CFTR: variants seen among roughly 807,000 people sequenced by gnomAD.
The protein encoded by CFTR is CF transmembrane conductance regulator, also known as cystic fibrosis transmembrane conductance regulator.
In CFTR, 181 loss-of-function variants were observed where a neutral mutation model predicts 171.6. The ratio of observed to expected loss-of-function variants is 1.05; its 90% confidence interval spans 0.93 to 1.19. CFTR has a LOEUF of 1.19. Among genes scored for constraint, CFTR ranks in the 50% most tolerant of loss-of-function variants. The pLI is 0.00. For synonymous variants in CFTR, 583 were observed against 608.0 expected, an observed-to-expected ratio of 0.96 and a Z score of 0.60; for missense variants, 1,968 against 1,734.7, an observed-to-expected ratio of 1.13 and a Z score of -2.39.
intron 3 of CFTR, among the ~76,000 whole-genome samples, chr7:117,523,031 T>A (rs35820454): frequency 0.075 from 11,440 of 152,206 alleles, 449 homozygotes; most frequent in Middle Eastern, 0.11. Flanking sequence ...ATTATTAGAA[T>A]TTTTCATACC....
At chr7:117,556,384 T>TA (rs964197114) in intron 10 of CFTR, among the ~76,000 whole-genome samples, 6 of 151,658 alleles carry the variant, frequency 4.0e-5, no homozygotes, top group African/African-American at 1.2e-4. Context: ...TGTTACCCAA[T>TA]AAAAAAAATT....
chr7:117,530,518 A>G (rs969082761), intron 3 of CFTR, among the ~76,000 whole-genome samples: 4 of 152,206 alleles, frequency 2.6e-5, no homozygotes, highest in African/African-American at 9.6e-5. Context: ...TAAACAAAAA[A>G]AAAGCCTACT....
Position 117,590,363 on chromosome 7 carries a change from A to G in CFTR, c.1690A>G (p.Lys564Glu), listed in dbSNP as rs371291116. ...CCATTTTCTTTTTAGAGCAGTATAC[A>G]AAGATGCTGATTTGTATTTATTAGA... ...ARISLARAVY[K>E]DADLYLLDSP... The change falls in exon 13 of 27, where the codon AAA becomes GAA. Residue 564 changes from lysine (K) to glutamate (E), a missense_variant. By Grantham distance (56) the Lys-to-Glu change is moderately conservative. Transcript: ENST00000003084. The G allele has an allele frequency of 6.2e-7, 1 of 1,603,258 alleles. No homozygotes were observed. Among genetic ancestry groups the G allele is most frequent in the Non-Finnish European group, 8.5e-7 (1 of 1,172,278 alleles).
intron 21 of CFTR, 55 bp downstream of exon 21, chr7:117,614,768 G>T: frequency 9.1e-7 from 1 of 1,103,962 alleles, no homozygotes; most frequent in Non-Finnish European, 1.4e-6. Context: ...AAGTAACAAA[G>T]TATGAGTAAT....
chr7:117,552,954 G>A (rs573204525), intron 10 of CFTR, among the ~76,000 whole-genome samples: 2 of 152,230 alleles, frequency 1.3e-5, no homozygotes, highest in African/African-American at 4.8e-5. Flanking sequence ...TAGTCCATGA[G>A]GGTGAAGTCT....
chr7:117,499,071 T>C (rs1447315844), intron 1 of CFTR, among the ~76,000 whole-genome samples: 1 of 152,192 alleles, frequency 6.6e-6, no homozygotes, highest in African/African-American at 2.4e-5. Context: ...TATTTTATTT[T>C]ATTGCATTTT....
intron 20 of CFTR, among the ~76,000 whole-genome samples, chr7:117,614,162 T>A (rs999139113): frequency 3.3e-5 from 5 of 152,054 alleles, no homozygotes; most frequent in African/African-American, 1.2e-4. Context: ...AGAACACACC[T>A]AAACATCTTG....
At chr7:117,500,362 C>G (rs1481945803) in intron 1 of CFTR, among the ~76,000 whole-genome samples, 1 of 145,280 alleles carries the variant, frequency 6.9e-6, no homozygotes, top group Non-Finnish European at 1.5e-5. Context: ...TCTCGGCTCA[C>G]TGCAACCTCC....
At chr7:117,665,171 G>T (rs1793352886) in intron 25 of CFTR, among the ~76,000 whole-genome samples, 1 of 152,130 alleles carries the variant, frequency 6.6e-6, no homozygotes, top group African/African-American at 2.4e-5. Context: ...TATACCATAA[G>T]CATGTTTATA....
At chr7:117,531,667 T>G (rs1487265020) in intron 4 of CFTR, among the ~76,000 whole-genome samples, 3 of 152,130 alleles carry the variant, frequency 2.0e-5, no homozygotes, top group African/African-American at 7.2e-5. Context: ...CTACTCTGCT[T>G]TTCTGCATGT....
At chr7:117,509,258 C>A (rs1798475162) in intron 3 of CFTR, 116 bp downstream of exon 3, 1 of 717,854 alleles carries the variant, frequency 1.4e-6, no homozygotes, top group South Asian at 1.5e-5. Context: ...ATGAATCCAA[C>A]TCCAAACACT....
chr7:117,666,148 C>A (rs1368845784), intron 26 of CFTR, among the ~76,000 whole-genome samples: 1 of 152,094 alleles, frequency 6.6e-6, no homozygotes, highest in African/African-American at 2.4e-5. Context: ...TACTTGAGGC[C>A]AGGAATTCAA....
chr7:117,590,493 C>A, intron 13 of CFTR, 54 bp downstream of exon 13: 1 of 1,559,990 alleles, frequency 6.4e-7, no homozygotes, highest in South Asian at 1.1e-5. Context: ...AAAAGAAAGA[C>A]AGACTGTCCC....
chr7:117,499,412 ATTTACT>A (rs1173574595), intron 1 of CFTR, among the ~76,000 whole-genome samples: 1 of 131,440 alleles, frequency 7.6e-6, no homozygotes, highest in Non-Finnish European at 1.6e-5. Context: ...AAGAAATGAA[ATTTACT>A]ATAGTTTCAT....
intron 6 of CFTR, 80 bp downstream of exon 6, chr7:117,535,491 C>G (rs1472843337): frequency 2.8e-6 from 3 of 1,066,882 alleles, no homozygotes; most frequent in South Asian, 2.5e-5. Flanking sequence ...CAGGACTGCT[C>G]TATGCATAGA....
chr7:117,559,348 G>A (rs1363636965), intron 10 of CFTR, 116 bp from the exon 11 acceptor site: 3 of 762,262 alleles, frequency 3.9e-6, no homozygotes, highest in African/African-American at 3.5e-5. Context: ...AATCAAATGA[G>A]TTAATAGAAT....
intron 3 of CFTR, among the ~76,000 whole-genome samples, chr7:117,524,453 C>T (rs1211094213): frequency 6.9e-6 from 1 of 145,982 alleles, no homozygotes; most frequent in African/African-American, 2.5e-5. Context: ...CTATGAAAAA[C>T]AACATAATAT....
At chr7:117,560,737 A>G (rs565226856) in intron 11 of CFTR, 1 of 152,216 alleles carries the variant, frequency 6.6e-6, no homozygotes, top group Admixed American at 6.5e-5. Context: ...ACTTACCTCA[A>G]AGAGGATATA....
At chr7:117,586,123 G>C (rs984122554) in intron 11 of CFTR, 3 of 152,148 alleles carry the variant, frequency 2.0e-5, no homozygotes, top group Non-Finnish European at 1.5e-5. Context: ...TAGGTGTGAA[G>C]TCTAACTTCT....
Sources: allele counts gnomAD v4.1 joint callset (sites outside exome capture counted in the v4.1 genomes callset), GRCh38; gene constraint gnomAD v4.1.1; transcripts MANE v1.5; gene names NCBI Gene and HGNC (gene_info 2026-07-23, HGNC 2026-07-21).